CREB5: variants seen among roughly 807,000 people sequenced by gnomAD.
CREB5 encodes the protein cyclic AMP-responsive element-binding protein 5.
CREB5 carries 19 observed loss-of-function variants against 57.1 expected under a neutral mutation model. The ratio of observed to expected loss-of-function variants is 0.33; its 90% CI spans 0.23 to 0.49. The LOEUF (loss-of-function observed/expected upper bound fraction) is 0.49, where lower values mean the gene tolerates loss of function less well. Among genes scored for constraint, CREB5 ranks in the 20% least tolerant of loss-of-function variants. CREB5 has a pLI of 0.99. For missense variants in CREB5, 579 were observed against 671.6 expected (o/e 0.86, Z 1.52); for synonymous variants, 238 against 238.3 (o/e 1.00, Z 0.01).
At chr7:28,422,449 T>C (rs1655225988) in intron 1 of CREB5, among the ~76,000 whole-genome samples, 1 of 152,200 alleles carries the variant, frequency 6.6e-6, no homozygotes, top group Non-Finnish European at 1.5e-5. Context: ...CAGTTGCTCC[T>C]GGCTTTTTTT....
chr7:28,313,688 A>G (rs1365615232), intron 1 of CREB5, among the ~76,000 whole-genome samples: 1 of 152,120 alleles, frequency 6.6e-6, no homozygotes, highest in Non-Finnish European at 1.5e-5. Context: ...ACCACTCCTC[A>G]CTCAATGGAT....
intron 4 of CREB5, among the ~76,000 whole-genome samples, chr7:28,560,869 C>CATGCGCGTGTGTGTGCGTGCGTGT (rs1795121121): frequency 3.5e-5 from 1 of 28,604 alleles, no homozygotes; most frequent in Admixed American, 4.6e-4. Flanking sequence ...CGTGTGCCTG[C>CATGCGCGTGTGTGTGCGTGCGTGT]GTGCGCGTGC....
At position 28,432,174 on chromosome 7, in the gene CREB5, C is replaced by T. The variant is rs117921306; in HGVS notation, c.3+19257C>T. On this transcript the variant is annotated intron_variant, in intron 1 of 10. Transcript: ENST00000357727. Reference sequence around the variant, plus strand: ...CAATGTGTTTTATACGGAGTTGGAGCGTTGTGTGTTTTGCCCAGCCAATGG... The same window carrying T: ...CAATGTGTTTTATACGGAGTTGGAGTGTTGTGTGTTTTGCCCAGCCAATGG... Among the ~76,000 whole-genome samples, 168 of 152,104 alleles carry T rather than the reference C, an allele frequency of 1.1e-3. 6 individuals are homozygous for T. In the East Asian group the frequency reaches 0.023, roughly 21 times the overall value.
At chr7:28,717,435 A>G (rs912825069) in intron 5 of CREB5, among the ~76,000 whole-genome samples, 7 of 152,110 alleles carry the variant, frequency 4.6e-5, no homozygotes, top group African/African-American at 1.7e-4. Flanking sequence ...GGAAAACTTT[A>G]TCTTCTTTGA....
At chr7:28,308,344 C>G (rs901033604) in intron 1 of CREB5, among the ~76,000 whole-genome samples, 3 of 152,314 alleles carry the variant, frequency 2.0e-5, no homozygotes, top group African/African-American at 4.8e-5. Flanking sequence ...GTAAGCCGCT[C>G]TAGTGCTTTC....
chr7:28,709,038 C>T lies in CREB5; in HGVS notation c.465-9715C>T, dbSNP rs555227278. Among the ~76,000 whole-genome samples, 38 of 152,318 alleles carry T rather than the reference C, an allele frequency of 2.5e-4. 2 individuals are homozygous for T. In the South Asian group the frequency reaches 7.0e-3, roughly 28 times the overall value. On this transcript the variant is annotated intron_variant, in intron 5 of 10. Coordinates refer to ENST00000357727, the MANE Select transcript of CREB5 (RefSeq NM_182898.4). The stretch of plus-strand genomic sequence containing the variant: ...AGAAATTTAACTGAGAGATGTCTTT[C>T]TGAGGATATTTTTTCCCAGCTAGTC...
At chr7:28,547,909 C>T (rs192967329) in intron 4 of CREB5, among the ~76,000 whole-genome samples, 12 of 152,306 alleles carry the variant, frequency 7.9e-5, no homozygotes, top group African/African-American at 2.6e-4. Context: ...GCTTAATAAA[C>T]TACTGTCCAC....
At chr7:28,595,729 C>T (rs922413897) in intron 5 of CREB5, among the ~76,000 whole-genome samples, 1 of 152,196 alleles carries the variant, frequency 6.6e-6, no homozygotes, top group Non-Finnish European at 1.5e-5. Flanking sequence ...ATGGGTCTGG[C>T]TTATGGCTCT....
intron 4 of CREB5, among the ~76,000 whole-genome samples, chr7:28,524,027 C>T (rs1793319793): frequency 6.6e-6 from 1 of 152,184 alleles, no homozygotes; most frequent in African/African-American, 2.4e-5. Flanking sequence ...TGAAGAATTA[C>T]TGGAATGAGT....
At chr7:28,399,291 A>G (rs1419132669) in intron 1 of CREB5, among the ~76,000 whole-genome samples, 1 of 147,942 alleles carries the variant, frequency 6.8e-6, no homozygotes, top group Non-Finnish European at 1.5e-5. Context: ...AAAAAAAAAA[A>G]TCTACAAAAT....
At chr7:28,551,926 T>G (rs216732) in intron 4 of CREB5, among the ~76,000 whole-genome samples, 1 of 151,610 alleles carries the variant, frequency 6.6e-6, no homozygotes, top group African/African-American at 2.4e-5. Context: ...TCTTTTTTCT[T>G]TCTTTCTTTT....
At chr7:28,577,884 T>C (rs1795963629) in intron 5 of CREB5, among the ~76,000 whole-genome samples, 2 of 152,212 alleles carry the variant, frequency 1.3e-5, no homozygotes, top group South Asian at 4.1e-4. Flanking sequence ...CTTGAAGTAA[T>C]CTTATCAGGA....
At chr7:28,376,782 T>C (rs1786839101) in intron 1 of CREB5, among the ~76,000 whole-genome samples, 1 of 152,186 alleles carries the variant, frequency 6.6e-6, no homozygotes. Context: ...AGCTGTCTTC[T>C]TGGATAGCTT....
intron 4 of CREB5, among the ~76,000 whole-genome samples, chr7:28,564,498 A>G (rs538472657): frequency 1.3e-5 from 2 of 152,322 alleles, no homozygotes; most frequent in Admixed American, 6.5e-5. Flanking sequence ...GCATGCAGAA[A>G]GACAATTACC....
At chr7:28,718,662 T>C in intron 5 of CREB5, 91 bp from the exon 6 acceptor site, 1 of 1,542,122 alleles carries the variant, frequency 6.5e-7, no homozygotes, top group Non-Finnish European at 8.8e-7. Flanking sequence ...CTGCTGCACA[T>C]GTGACATTGT....
intron 5 of CREB5, among the ~76,000 whole-genome samples, chr7:28,657,925 TTTG>T (rs1413189024): frequency 6.6e-6 from 1 of 152,160 alleles, no homozygotes; most frequent in Non-Finnish European, 1.5e-5. Context: ...TATAAATCTC[TTTG>T]TTTGCACACA....
At chr7:28,558,290 A>G (rs1794953093) in intron 4 of CREB5, among the ~76,000 whole-genome samples, 1 of 152,212 alleles carries the variant, frequency 6.6e-6, no homozygotes, top group Non-Finnish European at 1.5e-5. Context: ...CTTATTCCCC[A>G]GTAAAACACC....
At chr7:28,372,159 C>T (rs543223334) in intron 1 of CREB5, among the ~76,000 whole-genome samples, 47 of 152,144 alleles carry the variant, frequency 3.1e-4, no homozygotes, top group Non-Finnish European at 1.5e-4. Flanking sequence ...CAACTCTCTG[C>T]CCTCAAGAAA....
intron 7 of CREB5, among the ~76,000 whole-genome samples, chr7:28,779,915 G>A (rs1806873509): frequency 6.6e-6 from 1 of 152,024 alleles, no homozygotes; most frequent in East Asian, 1.9e-4. Flanking sequence ...GTTAAGCTGT[G>A]GTGTGTACAC....
Sources: allele counts gnomAD v4.1 joint callset (sites outside exome capture counted in the v4.1 genomes callset), GRCh38; gene constraint gnomAD v4.1.1; transcripts MANE v1.5; gene names NCBI Gene and HGNC (gene_info 2026-07-23, HGNC 2026-07-21).